Variants in ASB5 observed in about 807,000 individuals in gnomAD.
The protein encoded by ASB5 is ankyrin repeat and SOCS box containing 5, also known as ankyrin repeat and SOCS box protein 5.
A neutral mutation model predicts 42.1 loss-of-function variants in ASB5; 45 were observed. The ratio of observed to expected loss-of-function variants is 1.07; its 90% confidence interval spans 0.84 to 1.37. The LOEUF (loss-of-function observed/expected upper bound fraction) is 1.37. Among genes scored for constraint, ASB5 ranks in the 40% most tolerant of loss-of-function variants. The probability of loss-of-function intolerance (pLI) is 0.00; values close to 1 mark genes in which losing one functional copy is unlikely to be tolerated. For synonymous variants in ASB5, 147 were observed against 150.6 expected (o/e 0.98, Z 0.18); for missense variants, 402 against 399.8 (o/e 1.01, Z -0.05).
intron 1 of ASB5, chr4:176,277,162 T>A (rs773924632): frequency 1.3e-5 from 2 of 152,238 alleles, no homozygotes; most frequent in Admixed American, 1.3e-4. Flanking sequence ...GGTGAGCCCC[T>A]GATTTTATCC....
intron 1 of ASB5, among the ~76,000 whole-genome samples, chr4:176,258,845 GTA>G (rs1475688557): frequency 2.0e-5 from 3 of 152,122 alleles, no homozygotes; most frequent in African/African-American, 7.2e-5. Context: ...CAAAAAAATA[GTA>G]TCATCAGTTT....
Position 176,260,811 on chromosome 4 carries a change from G to T in ASB5, c.196+8102C>A, listed in dbSNP as rs10020960. On this transcript the variant is annotated intron_variant, in intron 1 of 6. Coordinates refer to ENST00000296525, the MANE Select transcript of ASB5 (RefSeq NM_080874.4). ...CCTTCCTCAGCCTCCCGAGTAGCTG[G>T]GATTACAGGCACGTGCTGCAACACC... is the stretch of plus-strand genomic sequence containing the variant. Among the ~76,000 whole-genome samples, 1,202 of 152,124 alleles carry T rather than the reference G, an allele frequency of 7.9e-3. 22 individuals carry two copies. The highest frequency in any genetic ancestry group is 0.027 in the African/African-American group (1,133 of 41,488).
chr4:176,270,879 C>G (rs1187023672), upstream of ASB5, among the ~76,000 whole-genome samples: 1 of 152,120 alleles, frequency 6.6e-6, no homozygotes. Flanking sequence ...CTGCAGACTT[C>G]CTCTTCAGTG....
upstream of ASB5, among the ~76,000 whole-genome samples, chr4:176,270,413 T>C (rs1278191115): frequency 6.6e-6 from 1 of 152,186 alleles, no homozygotes; most frequent in African/African-American, 2.4e-5. Context: ...CTGAGTATCT[T>C]AACTGACTGG....
At chr4:176,240,495 C>T (rs1753788529) in intron 1 of ASB5, among the ~76,000 whole-genome samples, 1 of 152,074 alleles carries the variant, frequency 6.6e-6, no homozygotes, top group South Asian at 2.1e-4. Flanking sequence ...CACTGGAAAC[C>T]ATCAAAGACA....
At chr4:176,252,109 G>A (rs898224432) in intron 1 of ASB5, among the ~76,000 whole-genome samples, 2 of 145,640 alleles carry the variant, frequency 1.4e-5, no homozygotes, top group Non-Finnish European at 3.0e-5. Context: ...AAAAAGACAC[G>A]CATATAAAAT....
chr4:176,237,437 G>A (rs778047796), intron 1 of ASB5: 242 of 985,750 alleles, frequency 2.5e-4, no homozygotes, highest in Non-Finnish European at 2.9e-4. Context: ...GACGTTTTTT[G>A]TCTGTGACAA....
At chr4:176,217,907 T>C (rs769276087) in intron 5 of ASB5, among the ~76,000 whole-genome samples, 3 of 151,904 alleles carry the variant, frequency 2.0e-5, no homozygotes, top group Non-Finnish European at 4.4e-5. Context: ...AGCAGTACAG[T>C]TAAAGTGTCC....
intron 1 of ASB5, among the ~76,000 whole-genome samples, chr4:176,257,320 A>G (rs1477320654): frequency 6.6e-6 from 1 of 152,238 alleles, no homozygotes; most frequent in Admixed American, 6.5e-5. Context: ...ATGACCAGGT[A>G]TTTGACCAAA....
intron 1 of ASB5, among the ~76,000 whole-genome samples, chr4:176,252,085 A>AAAAAAAAAAAAAAAAAAAG (rs1754051450): frequency 9.2e-4 from 28 of 30,428 alleles, no homozygotes; most frequent in Non-Finnish European, 1.1e-3. Context: ...AAAAAAAAAG[A>AAAAAAAAAAAAAAAAAAAG]AAAAAAAAAA....
intron 2 of ASB5, among the ~76,000 whole-genome samples, chr4:176,222,994 G>T (rs1299201210): frequency 6.6e-6 from 1 of 152,062 alleles, no homozygotes; most frequent in Non-Finnish European, 1.5e-5. Flanking sequence ...TAGCCAGGAT[G>T]GTCTTGATCT....
intron 1 of ASB5, among the ~76,000 whole-genome samples, chr4:176,227,358 G>C (rs1753408962): frequency 6.6e-6 from 1 of 152,148 alleles, no homozygotes; most frequent in Non-Finnish European, 1.5e-5. Flanking sequence ...CTTTCCCTTA[G>C]GATTTGTATT....
intron 1 of ASB5, among the ~76,000 whole-genome samples, chr4:176,250,747 C>T (rs975676812): frequency 6.6e-6 from 1 of 152,158 alleles, no homozygotes; most frequent in African/African-American, 2.4e-5. Context: ...CAAATCTAAA[C>T]TAGTGAATAT....
At position 176,222,417 on chromosome 4, in the gene ASB5, A is replaced by G. The variant is rs1344157490; in HGVS notation, c.280T>C (p.Tyr94His). ...LALRTLLSQG[Y>H]NVNAVTLDHV... Reference sequence around the variant, plus strand: ...TCTAAGGTTACTGCATTTACATTATAACCCTAAATGTGGCATAATTTTGAA... The same window carrying G: ...TCTAAGGTTACTGCATTTACATTATGACCCTAAATGTGGCATAATTTTGAA... Residue 94 changes from tyrosine to histidine, a missense_variant, in exon 3 of 7, where the codon TAT (tyrosine) becomes CAT (histidine). Transcript: ENST00000296525. The G allele has an allele frequency of 1.2e-6, 2 of 1,611,028 alleles. No homozygotes were observed. Among genetic ancestry groups the G allele is most frequent in the African/African-American group, 2.7e-5 (2 of 74,848 alleles).
chr4:176,232,277 C>G (rs1385283259), intron 1 of ASB5, among the ~76,000 whole-genome samples: 1 of 151,964 alleles, frequency 6.6e-6, no homozygotes, highest in Non-Finnish European at 1.5e-5. Context: ...CATGTGCCAA[C>G]ACACCCATCT....
intron 1 of ASB5, among the ~76,000 whole-genome samples, chr4:176,266,365 C>A (rs913249967): frequency 6.6e-6 from 1 of 152,000 alleles, no homozygotes; most frequent in African/African-American, 2.4e-5. Context: ...AAACCCAATT[C>A]AAAGTGGAAT....
chr4:176,233,170 T>C (rs1282279505), intron 1 of ASB5, among the ~76,000 whole-genome samples: 1 of 152,220 alleles, frequency 6.6e-6, no homozygotes, highest in South Asian at 2.1e-4. Flanking sequence ...TACTTTCATA[T>C]ATCTTCCCCA....
At chr4:176,216,795 G>A (rs1453739129) in intron 6 of ASB5, 23 bp downstream of exon 6, 5 of 1,512,234 alleles carry the variant, frequency 3.3e-6, no homozygotes, top group South Asian at 1.4e-5. Context: ...GTTTTTGTAA[G>A]TTTCCACATG....
chr4:176,256,908 A>AG lies in ASB5; in HGVS notation c.196+12004dup, dbSNP rs1236490048. The stretch of plus-strand genomic sequence containing the variant: ...GCCAATATCGCACCACTGCACTCCA[A>AG]GAAAAAAAGAAAAGAAAAACTATGT... On this transcript the variant is annotated intron_variant, in intron 1 of 6. Transcript: ENST00000296525. 3.3e-5 allele frequency among the ~76,000 whole-genome samples: 5 copies of AG among 152,238 alleles called. No homozygotes were observed. In the East Asian group the frequency reaches 9.7e-4, roughly 29 times the overall value.
Sources: gnomAD v4.1 joint callset for allele counts (sites outside exome capture counted in the v4.1 genomes callset) on GRCh38, gnomAD v4.1.1 for gene constraint, MANE v1.5 for transcripts, NCBI Gene and HGNC (gene_info 2026-07-23, HGNC 2026-07-21) for gene names.